EP400: variants seen among roughly 807,000 people sequenced by gnomAD.
The protein encoded by EP400 is E1A-binding protein p400.
A neutral mutation model predicts 354.1 loss-of-function variants in EP400; 105 were observed. That is an observed-to-expected ratio of 0.30 (90% CI 0.25 to 0.35). The LOEUF (loss-of-function observed/expected upper bound fraction) is 0.35, where lower values mean the gene tolerates loss of function less well. EP400 is among the 10% of genes least tolerant of loss of function. The pLI, the probability that EP400 is intolerant of heterozygous loss-of-function variation, is 1.00. For missense variants in EP400, 3,280 were observed against 4,121.0 expected (o/e 0.80, Z 5.59); for synonymous variants, 1,646 against 1,716.9 (o/e 0.96, Z 1.02).
At chr12:131,992,989 T>C (rs1016770774) in intron 11 of EP400, among the ~76,000 whole-genome samples, 4 of 152,222 alleles carry the variant, frequency 2.6e-5, no homozygotes, top group African/African-American at 9.6e-5. Context: ...GGCCAGATTG[T>C]TGGCATGAAA....
intron 32 of EP400, among the ~76,000 whole-genome samples, chr12:132,039,036 T>C (rs1463142413): frequency 1.3e-5 from 2 of 152,164 alleles, no homozygotes; most frequent in South Asian, 2.1e-4. Context: ...CCAGGCACAC[T>C]ACACAGCCCC....
intron 3 of EP400, among the ~76,000 whole-genome samples, chr12:131,980,025 A>G (rs1169728390): frequency 6.6e-6 from 1 of 152,242 alleles, no homozygotes; most frequent in East Asian, 1.9e-4. Context: ...GGTTTTCTGT[A>G]TGCATTTGTA....
At chr12:132,036,226 A>G (rs868363880) in intron 30 of EP400, among the ~76,000 whole-genome samples, 9 of 142,110 alleles carry the variant, frequency 6.3e-5, no homozygotes, top group Middle Eastern at 4.3e-3. Flanking sequence ...TTCACGCGGA[A>G]CGTCATGGAA....
Position 132,079,100 on chromosome 12 carries a change from T to C in EP400, c.*1427T>C, listed in dbSNP as rs1593395556. On this transcript the variant is annotated 3_prime_UTR_variant, in exon 53 of 53. Coordinates refer to ENST00000389561, the MANE Select transcript of EP400 (RefSeq NM_015409.5). Reference sequence around the variant, plus strand: ...CAATAAAGATTTTCTGTTTTTAAATTGTATTTCATCTGCTTCCTCCCCATT... The same window carrying C: ...CAATAAAGATTTTCTGTTTTTAAATCGTATTTCATCTGCTTCCTCCCCATT... 6.6e-6 allele frequency: 1 copy of C among 152,262 alleles called. No homozygotes were observed. Among genetic ancestry groups the C allele is most frequent in the East Asian group, 1.9e-4 (1 of 5,198 alleles). 9.4% of individuals were successfully genotyped at this position (152,262 alleles called of 1,614,324 possible).
chr12:132,042,495 C>T (rs1894947551), intron 32 of EP400, among the ~76,000 whole-genome samples: 1 of 152,158 alleles, frequency 6.6e-6, no homozygotes, highest in Admixed American at 6.5e-5. Flanking sequence ...CGGGCATCCT[C>T]CTCTATTTTC....
At chr12:132,008,672 C>T (rs1466361064) in intron 15 of EP400, among the ~76,000 whole-genome samples, 2 of 151,562 alleles carry the variant, frequency 1.3e-5, no homozygotes, top group Admixed American at 1.3e-4. Context: ...GTTCCGTCTC[C>T]TGGGCTCAAG....
At chr12:132,061,397 C>T (rs896537967) in intron 45 of EP400, among the ~76,000 whole-genome samples, 2 of 152,186 alleles carry the variant, frequency 1.3e-5, no homozygotes, top group African/African-American at 4.8e-5. Flanking sequence ...CATCCAAATG[C>T]GTAAGCAATG....
At chr12:132,026,330 G>A (rs1236431891) in intron 25 of EP400, among the ~76,000 whole-genome samples, 1 of 152,170 alleles carries the variant, frequency 6.6e-6, no homozygotes, top group Non-Finnish European at 1.5e-5. Context: ...GAGCCTAGAG[G>A]GGTGAGGCTC....
chr12:131,965,229 C>A (rs906884186), intron 2 of EP400, among the ~76,000 whole-genome samples: 1 of 152,180 alleles, frequency 6.6e-6, no homozygotes, highest in African/African-American at 2.4e-5. Context: ...TTCTACCAGG[C>A]CTGTCCAGTG....
At chr12:131,979,871 C>T (rs1892620773) in intron 3 of EP400, 78 bp downstream of exon 3, 2 of 1,221,934 alleles carry the variant, frequency 1.6e-6, no homozygotes. Flanking sequence ...CCATGAGTTT[C>T]TGAAGAGCAG....
chr12:131,995,030 A>G, intron 12 of EP400, 74 bp downstream of exon 12: 4 of 1,403,290 alleles, frequency 2.9e-6, no homozygotes, highest in Non-Finnish European at 4.0e-6. Context: ...TGTGAATAAT[A>G]ATATATTGAG....
intron 2 of EP400, among the ~76,000 whole-genome samples, chr12:131,974,945 G>C (rs1892418423): frequency 7.2e-6 from 1 of 139,134 alleles, no homozygotes; most frequent in Non-Finnish European, 1.5e-5. Flanking sequence ...AGCAGGGCTT[G>C]TGCCACTGTA....
chr12:131,998,495 C>G (rs549743176), intron 12 of EP400, among the ~76,000 whole-genome samples: 1 of 151,740 alleles, frequency 6.6e-6, no homozygotes, highest in African/African-American at 2.4e-5. Flanking sequence ...AGATTTAATT[C>G]TAGGTACTAT....
At chr12:132,064,598 G>A in intron 47 of EP400, 70 bp from the exon 48 acceptor site, 1 of 1,559,410 alleles carries the variant, frequency 6.4e-7, no homozygotes, top group Non-Finnish European at 8.7e-7. Flanking sequence ...GGTGGCTTAG[G>A]AACAAGATGT....
At chr12:132,062,779 T>C in intron 47 of EP400, 78 bp downstream of exon 47, 3 of 1,563,800 alleles carry the variant, frequency 1.9e-6, no homozygotes, top group South Asian at 2.3e-5. Flanking sequence ...GGTGCCTGCT[T>C]GCATGGTGCA....
chr12:131,953,916 C>T (rs891323779), intron 1 of EP400, among the ~76,000 whole-genome samples: 4 of 151,726 alleles, frequency 2.6e-5, no homozygotes, highest in Non-Finnish European at 5.9e-5. Context: ...AGTTTGAGAC[C>T]ACCCTGGCCA....
At chr12:132,046,085 G>A (rs1452424234) in intron 39 of EP400, among the ~76,000 whole-genome samples, 185 bp downstream of exon 39, 3 of 152,242 alleles carry the variant, frequency 2.0e-5, no homozygotes, top group Non-Finnish European at 4.4e-5. Flanking sequence ...ACTGTGCCTC[G>A]CCTATGGCAT....
rs1893826221 is a variant in EP400, at chr12:132,013,383, G to A, written c.3612-107G>A. 7.0e-7 allele frequency: 1 copy of A among 1,435,304 alleles called. No individual in the cohort carries two copies. The highest frequency in any genetic ancestry group is 1.4e-5 in the South Asian group (1 of 72,606). 88.9% of individuals were successfully genotyped at this position (1,435,304 alleles called of 1,614,324 possible). A position where few individuals can be genotyped will look rare whatever the true frequency, so the allele number is the denominator to read the frequency against. ...TTCAGGCATGTGCACGTTGACATTT[G>A]CGGTGTCAAATTACTGTCCCTTTTC... On this transcript the variant is annotated intron_variant, in intron 17 of 52. Coordinates refer to ENST00000389561, the MANE Select transcript of EP400 (RefSeq NM_015409.5). The surrounding 1 kb of genome is among the most constrained non-coding windows in gnomAD (Gnocchi z 4.5).
intron 2 of EP400, among the ~76,000 whole-genome samples, chr12:131,976,456 G>C (rs143494974): frequency 0.015 from 2,344 of 152,322 alleles, 29 homozygotes; most frequent in South Asian, 0.023. Flanking sequence ...GCTCACGCCT[G>C]TAATGCCAGC....
Sources: allele counts gnomAD v4.1 joint callset (sites outside exome capture counted in the v4.1 genomes callset), GRCh38; gene constraint gnomAD v4.1.1; non-coding constraint Gnocchi (gnomAD v3.1); transcripts MANE v1.5; gene names NCBI Gene and HGNC (gene_info 2026-07-23, HGNC 2026-07-21).